Variants in ZNF563 observed in about 807,000 individuals in gnomAD.
ZNF563 encodes zinc finger protein 563.
Under a neutral mutation model 48.5 loss-of-function variants are expected in ZNF563, and 39 were observed. That is an observed-to-expected ratio of 0.80 (90% CI 0.62 to 1.05). The LOEUF (loss-of-function observed/expected upper bound fraction) is 1.05, where lower values mean the gene tolerates loss of function less well. Among genes scored for constraint, ZNF563 ranks in the 50% least tolerant of loss-of-function variants. The pLI is 0.00. For synonymous variants in ZNF563, 168 were observed against 187.9 expected (o/e 0.89, Z 0.87); for missense variants, 538 against 597.0 (o/e 0.90, Z 1.03).
At chr19:12,341,061 T>C in the ZNF563 span, among the ~76,000 whole-genome samples, 2 of 152,164 alleles carry the variant, frequency 1.3e-5, no homozygotes, top group Non-Finnish European at 2.9e-5. Flanking sequence ...TTTTTATTTA[T>C]TTATTTGGGA....
At chr19:12,329,269 C>T (rs569187941) in intron 1 of ZNF563, among the ~76,000 whole-genome samples, 11 of 152,170 alleles carry the variant, frequency 7.2e-5, no homozygotes, top group African/African-American at 2.6e-4. Flanking sequence ...GTCAGGAGTT[C>T]GAGACCTGCT....
chr19:12,318,735 T>C lies in ZNF563; in HGVS notation c.1290A>G (p.Leu430=). The change falls in exon 4 of 4, where the codon TTA becomes TTG. Residue 430 remains leucine, a synonymous_variant. Transcript: ENST00000293725. ...GTCTTCGAAAGCTTGAGCTATGAGATAACGCTTTCCCACACTGCTTGCATT... is the reference window on the plus strand; with the variant it reads ...GTCTTCGAAAGCTTGAGCTATGAGACAACGCTTTCCCACACTGCTTGCATT... The part of the protein sequence containing the change: ...PYECKQCGKA[L]SHSSSFRRHM... 6.2e-7 allele frequency: 1 copy of C among 1,614,236 alleles called. No individual in the cohort carries two copies. The highest frequency in any genetic ancestry group is 2.2e-5 in the East Asian group (1 of 44,886).
rs190214075 is a variant in ZNF563, at chr19:12,324,231, T to C, written c.4-1520A>G. ...AAAAAATTAGCCGGGCATGGTGGTG[T>C]GCCTGTAGTCCCAGCTAATTGGGAA... On this transcript the variant is annotated intron_variant, in intron 1 of 3. Transcript: ENST00000293725. 3.9e-3 allele frequency among the ~76,000 whole-genome samples: 589 copies of C among 152,060 alleles called. 13 individuals are homozygous for C. Among genetic ancestry groups the C allele is most frequent in the Admixed American group, 0.038 (573 of 15,262 alleles).
At chr19:12,327,155 A>G (rs1449730160) in intron 1 of ZNF563, among the ~76,000 whole-genome samples, 2 of 152,168 alleles carry the variant, frequency 1.3e-5, no homozygotes, top group African/African-American at 4.8e-5. Context: ...AACTAAAATC[A>G]AAGACGGAAA....
At chr19:12,330,587 G>A (rs1440388319) in intron 1 of ZNF563, among the ~76,000 whole-genome samples, 1 of 152,142 alleles carries the variant, frequency 6.6e-6, no homozygotes, top group Non-Finnish European at 1.5e-5. Flanking sequence ...GCAAATTCTG[G>A]AACAAGAGCA....
At chr19:12,344,129 A>G in the ZNF563 span, among the ~76,000 whole-genome samples, 1 of 152,026 alleles carries the variant, frequency 6.6e-6, no homozygotes, top group African/African-American at 2.4e-5. Flanking sequence ...ACAGTGGCTC[A>G]TGCCTGTAAT....
At chr19:12,320,177 A>G (rs1968573288) in intron 3 of ZNF563, among the ~76,000 whole-genome samples, 1 of 152,120 alleles carries the variant, frequency 6.6e-6, no homozygotes, top group East Asian at 1.9e-4. Flanking sequence ...TTGGCCTCCC[A>G]AAGTGCTGGG....
Position 12,318,323 on chromosome 19 carries a change from A to G in ZNF563, c.*271T>C, listed in dbSNP as rs899564024. The stretch of plus-strand genomic sequence containing the variant: ...TACTTTTAAGTTACCAAAATGACTG[A>G]AGGCTTCCCTACATATTTTACACTC... On this transcript the variant is annotated 3_prime_UTR_variant, in exon 4 of 4. Coordinates refer to ENST00000293725, the MANE Select transcript of ZNF563 (RefSeq NM_145276.3). The G allele has an allele frequency of 8.3e-6, 4 of 479,828 alleles. No individual in the cohort carries two copies. The highest frequency in any genetic ancestry group is 3.7e-5 in the Admixed American group (1 of 27,080). 29.7% of individuals were successfully genotyped at this position (479,828 alleles called of 1,614,324 possible). A position where few individuals can be genotyped will look rare whatever the true frequency, so the allele number is the denominator to read the frequency against.
At chr19:12,333,409 G>C in intron 1 of ZNF563, 71 bp downstream of exon 1, 1 of 1,574,748 alleles carries the variant, frequency 6.4e-7, no homozygotes, top group Non-Finnish European at 8.6e-7. Context: ...GCCCACGTTC[G>C]CCGCGGCCGG....
intron 2 of ZNF563, among the ~76,000 whole-genome samples, chr19:12,322,065 TA>T (rs1223118370): frequency 1.3e-5 from 2 of 152,142 alleles, no homozygotes; most frequent in Non-Finnish European, 2.9e-5. Flanking sequence ...TATTTTATTT[TA>T]TTTTTTTGAG....
At chr19:12,339,082 G>A in the ZNF563 span, among the ~76,000 whole-genome samples, 1 of 152,054 alleles carries the variant, frequency 6.6e-6, no homozygotes, top group Non-Finnish European at 1.5e-5. Flanking sequence ...ATGAACTCTA[G>A]TGCTGCCATG....
intron 1 of ZNF563, among the ~76,000 whole-genome samples, chr19:12,332,453 C>T (rs1025654912): frequency 1.3e-5 from 2 of 150,344 alleles, no homozygotes; most frequent in African/African-American, 4.9e-5. Context: ...TGGGTTCAAG[C>T]GATTCTCCTG....
intron 1 of ZNF563, among the ~76,000 whole-genome samples, chr19:12,323,574 G>T (rs1169562973): frequency 6.6e-6 from 1 of 152,204 alleles, no homozygotes; most frequent in African/African-American, 2.4e-5. Context: ...CAGCAAGAAG[G>T]TTCTCACCAG....
Position 12,318,392 on chromosome 19 carries a change from T to C in ZNF563, c.*202A>G, listed in dbSNP as rs559773614. ...GTGAGTTGTTTTATGTTGACAATGG[T>C]GTTAAAAAAAAATCGATCACTTTCC... On this transcript the variant is annotated 3_prime_UTR_variant, in exon 4 of 4. Transcript: ENST00000293725. 2 of 606,920 alleles carry C rather than the reference T, an allele frequency of 3.3e-6. No homozygotes were observed. The highest frequency in any genetic ancestry group is 4.0e-5 in the African/African-American group (2 of 49,830). The allele number at this position is 606,920 out of a possible 1,614,324, so 37.6% of individuals were successfully genotyped here.
At chr19:12,339,000 A>G in the ZNF563 span, among the ~76,000 whole-genome samples, 1 of 151,942 alleles carries the variant, frequency 6.6e-6, no homozygotes, top group Non-Finnish European at 1.5e-5. Context: ...TCTCCCCACT[A>G]CCTCTGTTGC....
At chr19:12,328,617 A>G (rs1052658586) in intron 1 of ZNF563, among the ~76,000 whole-genome samples, 1 of 152,120 alleles carries the variant, frequency 6.6e-6, no homozygotes, top group Non-Finnish European at 1.5e-5. Flanking sequence ...TACTAAAAAT[A>G]CAAATAGCCG....
intron 1 of ZNF563, among the ~76,000 whole-genome samples, chr19:12,326,702 G>A (rs1038589413): frequency 6.6e-6 from 1 of 151,918 alleles, no homozygotes; most frequent in Non-Finnish European, 1.5e-5. Context: ...TCACAGAAGC[G>A]GGAAAGGTCA....
chr19:12,340,146 C>G, the ZNF563 span, among the ~76,000 whole-genome samples: 12 of 152,062 alleles, frequency 7.9e-5, no homozygotes, highest in Non-Finnish European at 1.2e-4. Flanking sequence ...GTCAGCCAGG[C>G]CAACATGGCA....
At position 12,318,700 on chromosome 19, in the gene ZNF563, A is replaced by C. The variant is rs771475509; in HGVS notation, c.1325T>G (p.Met442Arg). 6.2e-7 allele frequency: 1 copy of C among 1,614,188 alleles called. No individual in the cohort carries two copies. The highest frequency in any genetic ancestry group is 1.1e-5 in the South Asian group (1 of 91,080). ...TTTATTCGGCCCATCTCCCGTATGC[A>C]TTACCATATGTCTTCGAAAGCTTGA... ...HSSSFRRHMV[M>R]HTGDGPNKCK... Residue 442 changes from methionine (M) to arginine (R), a missense_variant, in exon 4 of 4, where the codon ATG becomes AGG. Transcript: ENST00000293725.
Sources: gnomAD v4.1 joint callset for allele counts (sites outside exome capture counted in the v4.1 genomes callset) on GRCh38, gnomAD v4.1.1 for gene constraint, MANE v1.5 for transcripts, NCBI Gene and HGNC (gene_info 2026-07-23, HGNC 2026-07-21) for gene names.